Variants in MAN2A2 observed in about 807,000 individuals in gnomAD.
MAN2A2 encodes the protein mannosidase alpha class 2A member 2.
Under a neutral mutation model 126.8 loss-of-function variants are expected in MAN2A2, and 79 were observed. The observed-to-expected ratio is 0.62, with a 90% CI of 0.52 to 0.75. The LOEUF is 0.75. Among genes scored for constraint, MAN2A2 ranks in the 30% least tolerant of loss-of-function variants. The probability of loss-of-function intolerance (pLI) is 0.00; values close to 1 mark genes in which losing one functional copy is unlikely to be tolerated. For missense variants in MAN2A2, 1,392 were observed against 1,522.4 expected (o/e 0.91, Z 1.43); for synonymous variants, 671 against 618.7 (o/e 1.08, Z -1.25).
chr15:90,907,186 C>T, intron 7 of MAN2A2, 123 bp from the exon 8 acceptor site: 1 of 1,031,018 alleles, frequency 9.7e-7, no homozygotes, highest in African/African-American at 1.6e-5. Flanking sequence ...ACACTCTCTC[C>T]AGCCCTAGGT....
intron 9 of MAN2A2, 95 bp downstream of exon 9, chr15:90,909,599 G>C: frequency 1.8e-6 from 2 of 1,091,700 alleles, no homozygotes; most frequent in East Asian, 3.4e-5. Context: ...CGGGCAGGGT[G>C]CCCCCCTTTT....
Position 90,911,446 on chromosome 15 carries a change from A to C in MAN2A2, c.2005A>C (p.Asn669His), listed in dbSNP as rs2034729788. The change falls in exon 14 of 23, where the codon AAC becomes CAC. Residue 669 changes from asparagine (N) to histidine (H), a missense_variant. Asn to His is a moderately conservative substitution (Grantham distance 68, BLOSUM62 1). Transcript: ENST00000559717. ...ERFSMVSLLV[N>H]SPRVRVLSEE... ...ATTCAGCATGGTGTCCCTGCTGGTCAACTCTCCCCGCGTGCGTGTCCTTTC... is the reference window on the plus strand; with the variant it reads ...ATTCAGCATGGTGTCCCTGCTGGTCCACTCTCCCCGCGTGCGTGTCCTTTC... 1 of 1,614,070 alleles carries C rather than the reference A, an allele frequency of 6.2e-7. No homozygotes were observed. The highest frequency in any genetic ancestry group is 1.7e-5 in the Admixed American group (1 of 60,004).
Position 90,921,205 on chromosome 15 carries a change from T to G in MAN2A2, c.*1418T>G, listed in dbSNP as rs779167339. On this transcript the variant is annotated 3_prime_UTR_variant, in exon 23 of 23. Transcript: ENST00000559717. ...CTACCTGTAAAACCTAAGAATCAAC[T>G]GAAGACCTGTTAAGAGTATTCTGTA... 3.3e-5 allele frequency: 5 copies of G among 152,248 alleles called. No individual in the cohort carries two copies. The highest frequency in any genetic ancestry group is 5.9e-5 in the Non-Finnish European group (4 of 68,046). 9.4% of individuals were successfully genotyped at this position (152,248 alleles called of 1,614,324 possible).
At chr15:90,907,052 C>A in intron 7 of MAN2A2, 139 bp downstream of exon 7, 1 of 1,153,624 alleles carries the variant, frequency 8.7e-7, no homozygotes. Context: ...ATGGTCGCAC[C>A]CTCTGGTTAG....
In MAN2A2 at chr15:90,922,111, AG is replaced by A. The variant is rs1369825129; in HGVS notation, c.*2325del. 2 of 152,262 alleles carry A rather than the reference AG, an allele frequency of 1.3e-5. No homozygotes were observed. The highest frequency in any genetic ancestry group is 1.3e-4 in the Admixed American group (2 of 15,286). 9.4% of individuals were successfully genotyped at this position (152,262 alleles called of 1,614,324 possible). On this transcript the variant is annotated 3_prime_UTR_variant, in exon 23 of 23. Transcript: ENST00000559717. The stretch of plus-strand genomic sequence containing the variant: ...GATTTCGCAACCAAAAAATATCGAA[AG>A]TCTCTGTGTGATGGAAAACATCAAG...
At chr15:90,916,654 C>T (rs1252265139) in intron 20 of MAN2A2, 2 of 1,295,410 alleles carry the variant, frequency 1.5e-6, no homozygotes, top group African/African-American at 3.0e-5. Flanking sequence ...GGAGCGGTAA[C>T]CGAGAGGTAA....
chr15:90,912,878 C>G lies in MAN2A2; in HGVS notation c.2471C>G (p.Pro824Arg). ...YLFLPDGEAK[P>R]YVPKEPPVLR... ...AACAGCAATCTGCTCTTTCTCTAGC[C>G]CTACGTCCCCAAGGAGCCCCCCGTG... Residue 824 changes from proline (P) to arginine (R), a missense_variant and splice_region_variant, in exon 17 of 23, where the codon CCC becomes CGC. Transcript: ENST00000559717. 6.2e-7 allele frequency: 1 copy of G among 1,613,066 alleles called. No homozygotes were observed. Among genetic ancestry groups the G allele is most frequent in the Non-Finnish European group, 8.5e-7 (1 of 1,179,174 alleles).
chr15:90,910,209 C>T lies in MAN2A2; in HGVS notation c.1494C>T (p.Asp498=). ...VLSGDFFSYA[D]REDHYWTGYY... ...GCGGGGATTTCTTCTCCTATGCGGA[C>T]CGGGAGGATCATTACTGGACAGGCT... Residue 498 remains aspartate, a synonymous_variant, in exon 10 of 23, where the codon GAC becomes GAT. Transcript: ENST00000559717. 1 of 1,614,156 alleles carries T rather than the reference C, an allele frequency of 6.2e-7. No individual in the cohort carries two copies. The highest frequency in any genetic ancestry group is 8.5e-7 in the Non-Finnish European group (1 of 1,180,022).
rs1483628927 is a variant in MAN2A2 at position 90,911,239 on chromosome 15, G to A, written c.1943+1G>A. The A allele has an allele frequency of 6.2e-7, 1 of 1,614,058 alleles. No individual in the cohort carries two copies. Reference sequence around the variant, plus strand: ...TGATCCAGCTGGATTCCTCGCCCAGGTAACCTGGACTACGCCATGTGCAGA... The same window carrying A: ...TGATCCAGCTGGATTCCTCGCCCAGATAACCTGGACTACGCCATGTGCAGA... On this transcript the variant is annotated splice_donor_variant, in intron 13 of 22. Coordinates refer to ENST00000559717, the MANE Select transcript of MAN2A2 (RefSeq NM_006122.4). LOFTEE classifies it high-confidence loss of function.
In MAN2A2 at chr15:90,919,774, T is replaced by C; in HGVS notation, c.3440T>C (p.Leu1147Pro). The C allele has an allele frequency of 6.2e-7, 1 of 1,614,168 alleles. No individual in the cohort carries two copies. Among genetic ancestry groups the C allele is most frequent in the Non-Finnish European group, 8.5e-7 (1 of 1,180,016 alleles). Reference sequence around the variant, plus strand: ...CCCATGGAGATTGCTACCTTTCGCCTCCGCTTGGGTTAGGGCTTCTTGTGG... The same window carrying C: ...CCCATGGAGATTGCTACCTTTCGCCCCCGCTTGGGTTAGGGCTTCTTGTGG... ...LEPMEIATFR[L>P]RLG is the part of the protein sequence containing the mutation. The change falls in exon 23 of 23, where the codon CTC becomes CCC. Residue 1147 changes from leucine (L) to proline (P), a missense_variant. By Grantham distance (98) the Leu-to-Pro change is moderately conservative. Coordinates refer to ENST00000559717, the MANE Select transcript of MAN2A2 (RefSeq NM_006122.4).
chr15:90,916,390 T>G (rs1596176635), intron 20 of MAN2A2, 134 bp downstream of exon 20: 6 of 1,253,454 alleles, frequency 4.8e-6, no homozygotes, highest in African/African-American at 1.5e-5. Flanking sequence ...ATTCCTGGGG[T>G]GGGGGGAGGC....
rs989055432 is a variant in MAN2A2 at position 90,920,080 on chromosome 15, A to G, written c.*293A>G. 8.2e-6 allele frequency: 3 copies of G among 363,768 alleles called. No individual in the cohort carries two copies. The highest frequency in any genetic ancestry group is 6.2e-5 in the African/African-American group (3 of 48,646). 22.5% of individuals were successfully genotyped at this position (363,768 alleles called of 1,614,324 possible). On this transcript the variant is annotated 3_prime_UTR_variant, in exon 23 of 23. Transcript: ENST00000559717. ...TGTGAGTGGACACCCAACTGGGCAC[A>G]GGCTCAGGCACCCATCCTTTTTCCA... is the stretch of plus-strand genomic sequence containing the variant.
Position 90,907,365 on chromosome 15 carries a change from G to GT in MAN2A2, c.1067dup (p.His358ProfsTer14). On this transcript the variant is annotated frameshift_variant, in exon 8 of 23. Coordinates refer to ENST00000559717, the MANE Select transcript of MAN2A2 (RefSeq NM_006122.4). LOFTEE classifies it high-confidence loss of function. ...CATGATGCCCTTCTACAGCTATGAC[G>GT]TCCCCCATACCTGTGGCCCAGATCC... 6.2e-7 allele frequency: 1 copy of GT among 1,614,108 alleles called. No individual in the cohort carries two copies. The highest frequency in any genetic ancestry group is 8.5e-7 in the Non-Finnish European group (1 of 1,180,012).
In MAN2A2 at chr15:90,905,649, TCTC is replaced by T. The variant is rs773645772; in HGVS notation, c.464_466del (p.Ser155del). 6.2e-6 allele frequency: 10 copies of T among 1,613,964 alleles called. No individual in the cohort carries two copies. The highest frequency in any genetic ancestry group is 2.2e-5 in the East Asian group (1 of 44,886). ...GGTGTGTGGAGGCAAGGCTTCGACATCTCCTACGACCCGCACGACTGGGATGCT... is the reference window on the plus strand; with the variant it reads ...GGTGTGTGGAGGCAAGGCTTCGACATCTACGACCCGCACGACTGGGATGCT... On this transcript the variant is annotated inframe_deletion, in exon 4 of 23. Transcript: ENST00000559717.
rs1263167458 is a variant in MAN2A2 at position 90,912,458 on chromosome 15, T to C, written c.2347-84T>C. ...CATGGGGAAGCAGGGCACGGCTCCT[T>C]GGGGAAGCTATTCCGTGTCCTCCCA... is the stretch of plus-strand genomic sequence containing the variant. On this transcript the variant is annotated intron_variant, in intron 15 of 22. Transcript: ENST00000559717. 3 of 1,595,164 alleles carry C rather than the reference T, an allele frequency of 1.9e-6. No homozygotes were observed. The East Asian group carries it at 6.8e-5, about 36-fold the overall frequency.
intron 5 of MAN2A2, 28 bp downstream of exon 5, chr15:90,906,044 G>C (rs774245905): frequency 1.2e-6 from 2 of 1,612,696 alleles, no homozygotes; most frequent in Non-Finnish European, 1.7e-6. Context: ...AGGCATGGGA[G>C]GGCATTGTCT....
intron 2 of MAN2A2, 109 bp downstream of exon 2, chr15:90,904,448 C>A: frequency 8.3e-7 from 1 of 1,208,242 alleles, no homozygotes; most frequent in Non-Finnish European, 1.1e-6. Flanking sequence ...AGGGTAATGT[C>A]AGTACAGGAC....
chr15:90,905,400 C>T lies in MAN2A2; in HGVS notation c.282C>T (p.Val94=). The T allele has an allele frequency of 6.2e-7, 1 of 1,613,944 alleles. No individual in the cohort carries two copies. Among genetic ancestry groups the T allele is most frequent in the Non-Finnish European group, 8.5e-7 (1 of 1,180,036 alleles). ...CCGCCATGCTGCCCTACTACACGGT[C>T]AATGGCTCCTGGGTGGTGCCACCGG... ...GPPAMLPYYT[V]NGSWVVPPEP... is the part of the protein sequence containing the mutation. Residue 94 remains valine (V), a synonymous_variant, in exon 3 of 23, where the codon GTC becomes GTT. Coordinates refer to ENST00000559717, the MANE Select transcript of MAN2A2 (RefSeq NM_006122.4).
intron 1 of MAN2A2, chr15:90,903,833 G>C (rs2034029619): frequency 2.8e-6 from 1 of 358,292 alleles, no homozygotes; most frequent in South Asian, 2.2e-5. Flanking sequence ...ATAGAGACTA[G>C]CTTATTCACC....
Sources: gnomAD v4.1 joint callset for allele counts on GRCh38, gnomAD v4.1.1 for gene constraint, MANE v1.5 for transcripts, NCBI Gene and HGNC (gene_info 2026-07-23, HGNC 2026-07-21) for gene names.